Variants in ZNF277 observed in about 807,000 individuals in gnomAD.
The protein encoded by ZNF277 is zinc finger protein 277.
ZNF277 carries 55 observed loss-of-function variants against 60.7 expected under a neutral mutation model. The ratio of observed to expected loss-of-function variants is 0.91; its 90% CI spans 0.73 to 1.13. The LOEUF is 1.13. Among genes scored for constraint, ZNF277 ranks in the 50% most tolerant of loss-of-function variants. ZNF277 has a pLI of 0.00. For missense variants in ZNF277, 510 were observed against 523.0 expected (o/e 0.98, Z 0.24); for synonymous variants, 178 against 179.3 (o/e 0.99, Z 0.06).
intron 4 of ZNF277, among the ~76,000 whole-genome samples, chr7:112,303,820 G>A (rs1183735559): frequency 6.6e-6 from 1 of 151,798 alleles, no homozygotes; most frequent in Non-Finnish European, 1.5e-5. Flanking sequence ...ATTCTGTCCT[G>A]TTTTGAAGAC....
At chr7:112,313,308 C>T (rs1246322057) in intron 4 of ZNF277, among the ~76,000 whole-genome samples, 1 of 150,768 alleles carries the variant, frequency 6.6e-6, no homozygotes. Flanking sequence ...CAGACTGGGC[C>T]TCGCTGTCTT....
intron 1 of ZNF277, among the ~76,000 whole-genome samples, chr7:112,257,948 G>A (rs1398156730): frequency 6.6e-6 from 1 of 151,886 alleles, no homozygotes; most frequent in African/African-American, 2.4e-5. Flanking sequence ...CAAGTAGGTA[G>A]GACTGCAGGA....
At position 112,330,146 on chromosome 7, in the gene ZNF277, G is replaced by A; in HGVS notation, c.731G>A (p.Arg244Lys). ...AAAAATACACTTAAAGATCACATGA[G>A]GAAAAAACAGCATCGTAAGATTAAT... ...RDKNTLKDHMRKKQHRKINPK... is the reference protein window; with the variant it reads ...RDKNTLKDHMKKKQHRKINPK... The change falls in exon 7 of 12, where the codon AGG (arginine) becomes AAG (lysine). Residue 244 changes from arginine to lysine, a missense_variant. By Grantham distance (26) the Arg-to-Lys change is conservative (BLOSUM62 2). Coordinates refer to ENST00000361822, the MANE Select transcript of ZNF277 (RefSeq NM_021994.3). 3 of 1,613,146 alleles carry A rather than the reference G, an allele frequency of 1.9e-6. No homozygotes were observed. Among genetic ancestry groups the A allele is most frequent in the Non-Finnish European group, 2.5e-6 (3 of 1,179,650 alleles).
At chr7:112,325,133 A>G (rs1043199348) in intron 5 of ZNF277, among the ~76,000 whole-genome samples, 1 of 152,200 alleles carries the variant, frequency 6.6e-6, no homozygotes, top group Non-Finnish European at 1.5e-5. Flanking sequence ...CTACCATAAT[A>G]TTGGAGAGGA....
At chr7:112,266,336 A>G (rs10247876) in intron 1 of ZNF277, among the ~76,000 whole-genome samples, 21,678 of 151,912 alleles carry the variant, frequency 0.14, 1,605 homozygotes, top group South Asian at 0.16. Flanking sequence ...TATTAGAGAC[A>G]GGGTTTCGCC....
intron 4 of ZNF277, among the ~76,000 whole-genome samples, chr7:112,303,430 C>G (rs1584393902): frequency 6.6e-6 from 1 of 152,064 alleles, no homozygotes; most frequent in Middle Eastern, 3.4e-3. Flanking sequence ...TTCCTTTGGG[C>G]CTAAGCTTCT....
chr7:112,333,900 C>G (rs1017873699), intron 7 of ZNF277, among the ~76,000 whole-genome samples: 4 of 152,162 alleles, frequency 2.6e-5, no homozygotes, highest in African/African-American at 9.7e-5. Flanking sequence ...AACCCTTCCT[C>G]AGAGGGCAAC....
intron 5 of ZNF277, 82 bp downstream of exon 5, chr7:112,318,355 TTAAG>T: frequency 7.8e-7 from 1 of 1,275,002 alleles, no homozygotes; most frequent in Non-Finnish European, 1.1e-6. Flanking sequence ...GTTATATAAA[TTAAG>T]TTCTATGTGT....
chr7:112,296,372 T>C, intron 4 of ZNF277, 61 bp downstream of exon 4: 1 of 765,186 alleles, frequency 1.3e-6, no homozygotes, highest in Non-Finnish European at 2.0e-6. Context: ...ACATATAAAA[T>C]CATATTGGTT....
chr7:112,331,149 A>C (rs995967898), intron 7 of ZNF277, among the ~76,000 whole-genome samples: 1 of 152,138 alleles, frequency 6.6e-6, no homozygotes, highest in Non-Finnish European at 1.5e-5. Context: ...TTTTAAATGT[A>C]TTGATAGCTC....
rs1563219717 is a variant in ZNF277 at position 112,296,916 on chromosome 7, T to TA, written c.465+605_465+606insA. On this transcript the variant is annotated intron_variant, in intron 4 of 11. Coordinates refer to ENST00000361822, the MANE Select transcript of ZNF277 (RefSeq NM_021994.3). Reference sequence around the variant, plus strand: ...TATTTATTTATTTATTTATTTATTTTTTTTTTTTTTTTTTTTTTTTTTTTT... The same window carrying TA: ...TATTTATTTATTTATTTATTTATTTTATTTTTTTTTTTTTTTTTTTTTTTTT... Among the ~76,000 whole-genome samples, 9 of 25,886 alleles carry TA rather than the reference T, an allele frequency of 3.5e-4. No homozygotes were observed. The South Asian group carries it at 7.1e-3, about 20-fold the overall frequency. The allele number at this position is 25,886 out of a possible 152,430, so 17.0% of individuals were successfully genotyped here. A position where few individuals can be genotyped will look rare whatever the true frequency, so the allele number is the denominator to read the frequency against.
At chr7:112,245,878 C>T (rs1030379715) in intron 1 of ZNF277, among the ~76,000 whole-genome samples, 5 of 152,112 alleles carry the variant, frequency 3.3e-5, no homozygotes, top group African/African-American at 1.2e-4. Flanking sequence ...TATCTTTTTA[C>T]GGAGACACAA....
chr7:112,339,113 G>T (rs1793391475), intron 9 of ZNF277, among the ~76,000 whole-genome samples: 2 of 152,186 alleles, frequency 1.3e-5, no homozygotes, highest in African/African-American at 4.8e-5. Flanking sequence ...AAAATGAAAA[G>T]CAGAATTTGT....
Position 112,295,968 on chromosome 7 carries a change from A to C in ZNF277, c.382+11A>C, listed in dbSNP as rs1216028022. 6.3e-7 allele frequency: 1 copy of C among 1,582,418 alleles called. No homozygotes were observed. ...CCACTGCTCCATTTGGTAAGTGTACATCTTGGCTACCATCTTTTCCCTACA... is the reference window on the plus strand; with the variant it reads ...CCACTGCTCCATTTGGTAAGTGTACCTCTTGGCTACCATCTTTTCCCTACA... On this transcript the variant is annotated intron_variant, in intron 3 of 11. Coordinates refer to ENST00000361822, the MANE Select transcript of ZNF277 (RefSeq NM_021994.3).
rs142575299 is a variant in ZNF277, at chr7:112,228,185, C to T, written c.91+21378C>T. ...CTCCTTTCCTGCATCTCTTTGTCTTCCCCCTATCTGTCTCTAACAAGGAAT... is the reference window on the plus strand; with the variant it reads ...CTCCTTTCCTGCATCTCTTTGTCTTTCCCCTATCTGTCTCTAACAAGGAAT... On this transcript the variant is annotated intron_variant, in intron 1 of 11. Coordinates refer to ENST00000361822, the MANE Select transcript of ZNF277 (RefSeq NM_021994.3). 9.3e-3 allele frequency among the ~76,000 whole-genome samples: 1,412 copies of T among 152,086 alleles called. 12 individuals are homozygous for T. The highest frequency in any genetic ancestry group is 0.016 in the Non-Finnish European group (1,092 of 68,008).
chr7:112,304,745 CA>C (rs1792552107), intron 4 of ZNF277, among the ~76,000 whole-genome samples: 1 of 152,108 alleles, frequency 6.6e-6, no homozygotes, highest in South Asian at 2.1e-4. Context: ...AAATGGCAGA[CA>C]GAACAAGAGG....
At chr7:112,233,934 T>C (rs1448530084) in intron 1 of ZNF277, among the ~76,000 whole-genome samples, 2 of 152,166 alleles carry the variant, frequency 1.3e-5, no homozygotes, top group East Asian at 1.9e-4. Flanking sequence ...CTTTTTTTTT[T>C]CAGTTATGCT....
intron 1 of ZNF277, among the ~76,000 whole-genome samples, chr7:112,275,074 C>A (rs955946545): frequency 6.6e-6 from 1 of 152,164 alleles, no homozygotes; most frequent in Non-Finnish European, 1.5e-5. Flanking sequence ...TTAGATTTAC[C>A]AGAACCAAGA....
chr7:112,255,210 C>G (rs1266335072), intron 1 of ZNF277, among the ~76,000 whole-genome samples: 1 of 151,996 alleles, frequency 6.6e-6, no homozygotes, highest in Non-Finnish European at 1.5e-5. Flanking sequence ...TATGCTTAAA[C>G]ACATCAAAAG....
Sources: gnomAD v4.1 joint callset for allele counts (sites outside exome capture counted in the v4.1 genomes callset) on GRCh38, gnomAD v4.1.1 for gene constraint, MANE v1.5 for transcripts, NCBI Gene and HGNC (gene_info 2026-07-23, HGNC 2026-07-21) for gene names.